The following DNAH14 variants were observed in gnomAD, a reference collection of about 807,000 sequenced individuals.
DNAH14 encodes axonemal beta dynein heavy chain 14.
Under a neutral mutation model 520.9 loss-of-function variants are expected in DNAH14, and 478 were observed. The observed-to-expected ratio is 0.92, with a 90% confidence interval of 0.85 to 0.99. The LOEUF (loss-of-function observed/expected upper bound fraction) is 0.99. DNAH14 is among the 50% of genes least tolerant of loss of function. The pLI, the probability that DNAH14 is intolerant of heterozygous loss-of-function variation, is 0.00. For missense variants in DNAH14, 4,831 were observed against 5,234.5 expected, an observed-to-expected ratio of 0.92 and a Z score of 2.38; for synonymous variants, 1,581 against 1,757.2, an observed-to-expected ratio of 0.90 and a Z score of 2.51.
intron 21 of DNAH14, among the ~76,000 whole-genome samples, chr1:225,094,656 C>CAA (rs760828776): frequency 5.1e-3 from 398 of 77,596 alleles, no homozygotes; most frequent in Non-Finnish European, 9.1e-3. Flanking sequence ...TTCTGCACAG[C>CAA]AAAAAAAAAA....
Position 225,057,096 on chromosome 1 carries a change from G to A in DNAH14, c.2424+5301G>A, listed in dbSNP as rs1235070417. Reference sequence around the variant, plus strand: ...AGTCTTTGGTAGCTTGATGGGGATGGCATTGAATCTATAAATTACCTTGGG... The same window carrying A: ...AGTCTTTGGTAGCTTGATGGGGATGACATTGAATCTATAAATTACCTTGGG... On this transcript the variant is annotated intron_variant, in intron 17 of 85. Coordinates refer to ENST00000682510, the MANE Select transcript of DNAH14 (RefSeq NM_001367479.1). Among the ~76,000 whole-genome samples, 5 of 152,164 alleles carry A rather than the reference G, an allele frequency of 3.3e-5. No individual in the cohort carries two copies. In the South Asian group the frequency reaches 1.0e-3, roughly 32 times the overall value.
intron 1 of DNAH14, among the ~76,000 whole-genome samples, chr1:224,934,741 G>A (rs2058915619): frequency 6.6e-6 from 1 of 151,800 alleles, no homozygotes; most frequent in South Asian, 2.1e-4. Flanking sequence ...TGATCAGACT[G>A]TCTAAAGTCA....
chr1:225,142,403 C>A (rs2079540034), intron 28 of DNAH14, among the ~76,000 whole-genome samples: 1 of 152,156 alleles, frequency 6.6e-6, no homozygotes, highest in Non-Finnish European at 1.5e-5. Flanking sequence ...TATCAGACAC[C>A]AAACATACTA....
At chr1:225,359,721 G>A (rs190254248) in intron 74 of DNAH14, among the ~76,000 whole-genome samples, 8 of 152,318 alleles carry the variant, frequency 5.3e-5, no homozygotes, top group Non-Finnish European at 8.8e-5. Flanking sequence ...GCCCATGATG[G>A]TGGCTAGGGC....
chr1:225,106,260 G>A (rs1017074788), intron 23 of DNAH14, among the ~76,000 whole-genome samples: 1 of 151,728 alleles, frequency 6.6e-6, no homozygotes, highest in South Asian at 2.1e-4. Context: ...AGCTGTTAGT[G>A]TGATGGGCTT....
chr1:224,946,449 G>A (rs983561334), intron 1 of DNAH14, among the ~76,000 whole-genome samples: 2 of 151,984 alleles, frequency 1.3e-5, no homozygotes, highest in African/African-American at 2.4e-5. Context: ...CCCTTGCTTC[G>A]GCTCACGCTC....
intron 1 of DNAH14, among the ~76,000 whole-genome samples, chr1:224,952,218 A>G (rs758408430): frequency 3.3e-5 from 5 of 152,124 alleles, no homozygotes; most frequent in Non-Finnish European, 7.4e-5. Flanking sequence ...GTTCTATTCT[A>G]TTCTGTCTGA....
In DNAH14 at chr1:225,079,558, T is replaced by C. The variant is rs936276614; in HGVS notation, c.2766+10T>C. 1 of 1,500,738 alleles carries C rather than the reference T, an allele frequency of 6.7e-7. No individual in the cohort carries two copies. The highest frequency in any genetic ancestry group is 1.4e-5 in the African/African-American group (1 of 69,702). The allele number at this position is 1,500,738 out of a possible 1,614,324, so 93.0% of individuals were successfully genotyped here. A position where few individuals can be genotyped will look rare whatever the true frequency, so the allele number is the denominator to read the frequency against. On this transcript the variant is annotated intron_variant, in intron 18 of 85. Coordinates refer to ENST00000682510, the MANE Select transcript of DNAH14 (RefSeq NM_001367479.1). ...CAATTTAAAAGCCAAGGTAAGTTTT[T>C]AGGGTTTTTTTGGATTTTTTTTTTA...
At chr1:225,252,490 A>G in intron 44 of DNAH14, 73 bp downstream of exon 44, 4 of 807,072 alleles carry the variant, frequency 5.0e-6, no homozygotes, top group Non-Finnish European at 7.8e-6. Context: ...AAGTAATTAT[A>G]TCTACTCTAT....
chr1:224,991,261 AT>A (rs60395237), intron 8 of DNAH14, among the ~76,000 whole-genome samples: 24,499 of 134,748 alleles, frequency 0.18, 2,528 homozygotes, highest in East Asian at 0.3. Context: ...TGCCCAGCTA[AT>A]TTTTTTTTTT....
At chr1:225,217,621 C>T (rs1186207871) in intron 41 of DNAH14, among the ~76,000 whole-genome samples, 1 of 152,206 alleles carries the variant, frequency 6.6e-6, no homozygotes, top group Non-Finnish European at 1.5e-5. Flanking sequence ...CTCCCCCAGC[C>T]TCACTGCCAC....
intron 8 of DNAH14, among the ~76,000 whole-genome samples, chr1:224,998,199 T>C (rs2063520403): frequency 6.6e-6 from 1 of 152,128 alleles, no homozygotes; most frequent in African/African-American, 2.4e-5. Context: ...TTATTTGAAG[T>C]TAGGTTTATT....
At chr1:225,221,174 A>G (rs1218897002) in intron 41 of DNAH14, among the ~76,000 whole-genome samples, 2 of 152,250 alleles carry the variant, frequency 1.3e-5, no homozygotes, top group African/African-American at 4.8e-5. Context: ...TTAAAAACTT[A>G]AACGTCAGAC....
rs889533847 is a variant in DNAH14 at position 224,941,790 on chromosome 1, G to A, written c.-33-10880G>A. Among the ~76,000 whole-genome samples the A allele has an allele frequency of 3.4e-4, 52 of 152,044 alleles. 1 individual carries two copies. Among genetic ancestry groups the A allele is most frequent in the Admixed American group, 2.6e-4 (4 of 15,268 alleles). On this transcript the variant is annotated intron_variant, in intron 1 of 85. Transcript: ENST00000682510. ...AATCCTTTCCCCATTGCTTGTTTTT[G>A]TCAGGTTTGTCAAAGATCAGATGGT...
intron 27 of DNAH14, 22 bp from the exon 28 acceptor site, chr1:225,140,746 T>TAA: frequency 4.9e-6 from 7 of 1,434,806 alleles, no homozygotes; most frequent in Non-Finnish European, 6.7e-6. Context: ...GATATATATA[T>TAA]AACATTATCT....
chr1:225,042,190 T>G (rs890869258), intron 12 of DNAH14, among the ~76,000 whole-genome samples: 1 of 152,208 alleles, frequency 6.6e-6, no homozygotes, highest in Non-Finnish European at 1.5e-5. Flanking sequence ...ATTCAAGTGA[T>G]CACCCTGAGA....
chr1:225,268,691 A>G (rs2093207949), intron 49 of DNAH14, among the ~76,000 whole-genome samples: 1 of 152,090 alleles, frequency 6.6e-6, no homozygotes, highest in Admixed American at 6.6e-5. Flanking sequence ...ATAACAGACA[A>G]ACAGAGAGCC....
At chr1:225,365,955 T>C (rs1354500140) in intron 76 of DNAH14, among the ~76,000 whole-genome samples, 1 of 152,216 alleles carries the variant, frequency 6.6e-6, no homozygotes, top group Non-Finnish European at 1.5e-5. Context: ...GTTTTTCATA[T>C]GCCATTATTT....
At chr1:225,226,723 C>T (rs12064443) in intron 41 of DNAH14, among the ~76,000 whole-genome samples, 2,566 of 152,230 alleles carry the variant, frequency 0.017, 62 homozygotes, top group East Asian at 0.053. Flanking sequence ...AGGGGACCGG[C>T]GCTCAGCAAG....
Sources: gnomAD v4.1 joint callset for allele counts (sites outside exome capture counted in the v4.1 genomes callset) on GRCh38, gnomAD v4.1.1 for gene constraint, MANE v1.5 for transcripts, NCBI Gene and HGNC (gene_info 2026-07-23, HGNC 2026-07-21) for gene names.